Variants in SCN7A observed in about 807,000 individuals in gnomAD.
SCN7A encodes the protein sodium voltage-gated channel alpha subunit 7.
SCN7A carries 138 observed loss-of-function variants against 155.2 expected under a neutral mutation model. The observed-to-expected ratio is 0.89, with a 90% confidence interval of 0.77 to 1.02. The LOEUF (loss-of-function observed/expected upper bound fraction) is 1.02, where lower values mean the gene tolerates loss of function less well. Ranked by LOEUF, SCN7A falls within the 50% of genes least tolerant of loss-of-function variation. The pLI is 0.00. For missense variants in SCN7A, 2,058 were observed against 1,986.6 expected, an observed-to-expected ratio of 1.04 and a Z score of -0.68; for synonymous variants, 693 against 649.0, an observed-to-expected ratio of 1.07 and a Z score of -1.03.
intron 12 of SCN7A, among the ~76,000 whole-genome samples, chr2:166,445,362 G>A (rs1418104350): frequency 7.4e-6 from 1 of 135,754 alleles, no homozygotes; most frequent in Non-Finnish European, 1.6e-5. Context: ...AAGAAGGAAG[G>A]AAGGAAGGAA....
chr2:166,419,320 T>G (rs536360999), intron 20 of SCN7A, among the ~76,000 whole-genome samples: 5 of 152,096 alleles, frequency 3.3e-5, no homozygotes, highest in African/African-American at 1.2e-4. Flanking sequence ...CTATAATGTT[T>G]TCCTATCACT....
At chr2:166,474,012 G>A in intron 4 of SCN7A, 124 bp from the exon 5 acceptor site, 2 of 534,750 alleles carry the variant, frequency 3.7e-6, no homozygotes, top group Non-Finnish European at 6.4e-6. Flanking sequence ...ATTAATATTT[G>A]TTAATATTTA....
In SCN7A at chr2:166,409,731, G is replaced by A. The variant is rs758227008; in HGVS notation, c.3916C>T (p.Arg1306Cys). The change falls in exon 25 of 26, where the codon CGT (arginine) becomes TGT (cysteine). Residue 1306 changes from arginine (R) to cysteine (C), a missense_variant. By Grantham distance (180) the Arg-to-Cys change is radical. Coordinates refer to ENST00000643258, the MANE Select transcript of SCN7A (RefSeq NM_002976.4). ...MECILKLIAF[R>C]CFYFTIAWNI... ...CACGCAATGGTGAAATAAAAACAAC[G>A]GAAAGCGATGAGCTTCAGTATACAT... 65 of 1,545,652 alleles carry A rather than the reference G, an allele frequency of 4.2e-5. No individual in the cohort carries two copies. Among genetic ancestry groups the A allele is most frequent in the South Asian group, 7.3e-5 (6 of 82,030 alleles).
rs557458206 is a variant in SCN7A, at chr2:166,445,353, A to AGAAG, written c.1388-357_1388-354dup. Reference sequence around the variant, plus strand: ...AAAAAGGAAGGAAGGAAGGAAGGAAAGAAGGAAGGAAGGAAGGAAGAGGGG... The same window carrying AGAAG: ...AAAAAGGAAGGAAGGAAGGAAGGAAAGAAGGAAGGAAGGAAGGAAGGAAGAGGGG... On this transcript the variant is annotated intron_variant, in intron 12 of 25. Transcript: ENST00000643258. Among the ~76,000 whole-genome samples, 195 of 138,754 alleles carry AGAAG rather than the reference A, an allele frequency of 1.4e-3. 3 individuals carry two copies. In the East Asian group the frequency reaches 0.034, roughly 24 times the overall value. 91.0% of individuals were successfully genotyped at this position (138,754 alleles called of 152,430 possible). A position where few individuals can be genotyped will look rare whatever the true frequency, so the allele number is the denominator to read the frequency against.
At chr2:166,463,260 A>T (rs563990777) in intron 9 of SCN7A, among the ~76,000 whole-genome samples, 5 of 152,060 alleles carry the variant, frequency 3.3e-5, no homozygotes, top group Admixed American at 2.6e-4. Flanking sequence ...TCCACTTGGG[A>T]GTTTCGGTCT....
chr2:166,456,168 G>A (rs1049340261), intron 11 of SCN7A, among the ~76,000 whole-genome samples: 2 of 152,076 alleles, frequency 1.3e-5, no homozygotes, highest in Non-Finnish European at 2.9e-5. Flanking sequence ...GAGAGCACAT[G>A]GGCACAGGGA....
At chr2:166,443,998 G>A (rs931282110) in intron 13 of SCN7A, among the ~76,000 whole-genome samples, 2 of 152,138 alleles carry the variant, frequency 1.3e-5, no homozygotes, top group Non-Finnish European at 1.5e-5. Context: ...TACATGATAT[G>A]ATATTTAATT....
chr2:166,416,189 A>G (rs75001129), intron 21 of SCN7A, among the ~76,000 whole-genome samples: 3 of 151,988 alleles, frequency 2.0e-5, no homozygotes, highest in African/African-American at 7.3e-5. Context: ...CTGCTCTCGA[A>G]CCCTGTTTTC....
chr2:166,421,578 CTT>C (rs1208689850), intron 19 of SCN7A, among the ~76,000 whole-genome samples: 5 of 151,852 alleles, frequency 3.3e-5, no homozygotes, highest in Non-Finnish European at 7.4e-5. Context: ...ATTTTATACT[CTT>C]TATGATCAAT....
chr2:166,452,870 G>A (rs529107478), intron 11 of SCN7A, among the ~76,000 whole-genome samples: 3 of 152,230 alleles, frequency 2.0e-5, no homozygotes, highest in Admixed American at 2.0e-4. Context: ...CTTATCATAT[G>A]TCTGGTGCAT....
intron 21 of SCN7A, 62 bp downstream of exon 21, chr2:166,416,645 G>A: frequency 7.2e-7 from 1 of 1,381,518 alleles, no homozygotes; most frequent in Non-Finnish European, 9.7e-7. Context: ...TTTGTCCTTT[G>A]CATTCAACCT....
rs1002298279 is a variant in SCN7A at position 166,427,912 on chromosome 2, A to G, written c.2729T>C (p.Ile910Thr). ...GCRRGSSLGQ[I>T]SGASKKGKIW... ...TTTTCCTTTCTTGGATGCTCCACTGATTTGACCAAGTGAAGATCCGCGTCT... is the reference window on the plus strand; with the variant it reads ...TTTTCCTTTCTTGGATGCTCCACTGGTTTGACCAAGTGAAGATCCGCGTCT... Residue 910 changes from isoleucine to threonine, a missense_variant, in exon 18 of 26, where the codon ATC (isoleucine) becomes ACC (threonine). Transcript: ENST00000643258. 6.2e-7 allele frequency: 1 copy of G among 1,612,818 alleles called. No individual in the cohort carries two copies.
In SCN7A at chr2:166,404,824, G is replaced by GAAAA. The variant is rs35675449; in HGVS notation, c.*752_*755dup. ...AAATAGGTGTAAATGAGAAGAAAAT[G>GAAAA]AAAAAAAAAAAAAAAAAAAAGGCTA... is the stretch of plus-strand genomic sequence containing the variant. On this transcript the variant is annotated 3_prime_UTR_variant, in exon 26 of 26. Coordinates refer to ENST00000643258, the MANE Select transcript of SCN7A (RefSeq NM_002976.4). 8.0e-5 allele frequency: 5 copies of GAAAA among 62,758 alleles called. No individual in the cohort carries two copies. Among genetic ancestry groups the GAAAA allele is most frequent in the Non-Finnish European group, 1.7e-4 (5 of 30,264 alleles). 3.9% of individuals were successfully genotyped at this position (62,758 alleles called of 1,614,324 possible).
At chr2:166,429,039 A>G in intron 17 of SCN7A, 130 bp downstream of exon 17, 2 of 575,010 alleles carry the variant, frequency 3.5e-6, no homozygotes, top group Non-Finnish European at 5.9e-6. Context: ...ACACTTGTAC[A>G]TTTAACATGA....
chr2:166,470,811 AC>A, intron 6 of SCN7A, 105 bp from the exon 7 acceptor site: 2 of 922,944 alleles, frequency 2.2e-6, no homozygotes, highest in Non-Finnish European at 3.1e-6. Flanking sequence ...ATATATGCAA[AC>A]ATTTCCCTTG....
intron 14 of SCN7A, 111 bp downstream of exon 14, chr2:166,443,392 T>G: frequency 1.2e-6 from 1 of 854,006 alleles, no homozygotes. Flanking sequence ...TCAATTCATT[T>G]AATGCTCCCA....
chr2:166,475,122 A>ATATATACG (rs71031250), intron 3 of SCN7A, among the ~76,000 whole-genome samples: 20 of 93,804 alleles, frequency 2.1e-4, no homozygotes, highest in South Asian at 3.3e-4. Flanking sequence ...ATATATATAC[A>ATATATACG]TATATATATA....
intron 25 of SCN7A, among the ~76,000 whole-genome samples, chr2:166,408,524 T>C (rs1215614044): frequency 1.3e-5 from 2 of 152,046 alleles, no homozygotes; most frequent in Non-Finnish European, 2.9e-5. Flanking sequence ...AGTTCTCTGA[T>C]GAAGTCCCCT....
chr2:166,422,075 G>T (rs1374732857), intron 19 of SCN7A, among the ~76,000 whole-genome samples: 2 of 152,108 alleles, frequency 1.3e-5, no homozygotes, highest in Middle Eastern at 3.2e-3. Flanking sequence ...ACAGGAAGGC[G>T]AGTTGCAGGC....
Sources: gnomAD v4.1 joint callset for allele counts (sites outside exome capture counted in the v4.1 genomes callset) on GRCh38, gnomAD v4.1.1 for gene constraint, MANE v1.5 for transcripts, NCBI Gene and HGNC (gene_info 2026-07-23, HGNC 2026-07-21) for gene names.